Variants in CACNA2D1 observed in about 807,000 individuals in gnomAD.
CACNA2D1 encodes the protein calcium voltage-gated channel auxiliary subunit alpha2delta 1, also known as voltage-dependent calcium channel subunit alpha-2/delta-1.
CACNA2D1 carries 53 observed loss-of-function variants against 171.5 expected under a neutral mutation model. The observed-to-expected ratio is 0.31, with a 90% CI of 0.25 to 0.39. The LOEUF is 0.39. Among genes scored for constraint, CACNA2D1 ranks in the 10% least tolerant of loss-of-function variants. The pLI, the probability that CACNA2D1 is intolerant of heterozygous loss-of-function variation, is 1.00. For synonymous variants in CACNA2D1, 442 were observed against 443.1 expected, an observed-to-expected ratio of 1.00 and a Z score of 0.03; for missense variants, 903 against 1,299.8, an observed-to-expected ratio of 0.69 and a Z score of 4.69.
intron 12 of CACNA2D1, among the ~76,000 whole-genome samples, chr7:82,025,154 T>G (rs1007628669): frequency 6.6e-6 from 1 of 151,724 alleles, no homozygotes; most frequent in Non-Finnish European, 1.5e-5. Flanking sequence ...ATATGTATTT[T>G]AGAATTTTTT....
At chr7:82,352,386 A>G (rs1819948009) in intron 1 of CACNA2D1, among the ~76,000 whole-genome samples, 1 of 152,230 alleles carries the variant, frequency 6.6e-6, no homozygotes, top group Non-Finnish European at 1.5e-5. Flanking sequence ...TAAACTGTCA[A>G]GCACAAATAT....
chr7:81,996,597 C>G (rs2130792661), intron 19 of CACNA2D1, among the ~76,000 whole-genome samples: 1 of 151,468 alleles, frequency 6.6e-6, no homozygotes, highest in Non-Finnish European at 1.5e-5. Flanking sequence ...ATAAAAATAC[C>G]TATTTCCAAG....
intron 1 of CACNA2D1, among the ~76,000 whole-genome samples, chr7:82,383,351 A>T (rs1371365711): frequency 6.6e-6 from 1 of 152,198 alleles, no homozygotes; most frequent in African/African-American, 2.4e-5. Context: ...CTGAACTAAA[A>T]ACTGCTTGCC....
intron 3 of CACNA2D1, among the ~76,000 whole-genome samples, chr7:82,173,259 A>T (rs1780906914): frequency 6.6e-6 from 1 of 152,108 alleles, no homozygotes; most frequent in Admixed American, 6.6e-5. Context: ...GATAGTCCAA[A>T]TCGGCTTTAT....
At chr7:82,042,943 A>G (rs2367841) in intron 10 of CACNA2D1, among the ~76,000 whole-genome samples, 75,970 of 152,010 alleles carry the variant, frequency 0.5, 22,973 homozygotes, top group Non-Finnish European at 0.66. Flanking sequence ...CTATTGGATT[A>G]TTAGCCCACA....
chr7:82,244,545 C>G (rs1804684795), intron 3 of CACNA2D1, among the ~76,000 whole-genome samples: 1 of 151,826 alleles, frequency 6.6e-6, no homozygotes, highest in Non-Finnish European at 1.5e-5. Flanking sequence ...AAGAGGTATG[C>G]TGGAAAACAA....
chr7:82,259,215 G>A (rs1387644614), intron 3 of CACNA2D1, among the ~76,000 whole-genome samples: 1 of 96,860 alleles, frequency 1.0e-5, no homozygotes, highest in Non-Finnish European at 2.0e-5. Context: ...AAAGACAGAT[G>A]AGAGATAAAT....
chr7:82,199,547 T>C (rs374893108), intron 3 of CACNA2D1, among the ~76,000 whole-genome samples: 1 of 152,130 alleles, frequency 6.6e-6, no homozygotes, highest in Non-Finnish European at 1.5e-5. Flanking sequence ...AAGATTCTAA[T>C]TGCTTCTGAA....
chr7:82,379,436 TACAA>T (rs1470089874), intron 1 of CACNA2D1, among the ~76,000 whole-genome samples: 4 of 152,352 alleles, frequency 2.6e-5, no homozygotes, highest in Non-Finnish European at 4.4e-5. Flanking sequence ...TTTTAACAAA[TACAA>T]ACATATTTCT....
chr7:82,085,621 G>C (rs1810372209), intron 6 of CACNA2D1, among the ~76,000 whole-genome samples: 1 of 151,408 alleles, frequency 6.6e-6, no homozygotes, highest in Non-Finnish European at 1.5e-5. Context: ...TTTACTCAGA[G>C]GCTTGACAAT....
chr7:82,157,241 A>T (rs1347448791), intron 4 of CACNA2D1, among the ~76,000 whole-genome samples: 1 of 152,150 alleles, frequency 6.6e-6, no homozygotes, highest in East Asian at 1.9e-4. Flanking sequence ...GAATACTGTG[A>T]AAAGAAACAA....
At chr7:82,018,021 T>G (rs558486173) in intron 12 of CACNA2D1, among the ~76,000 whole-genome samples, 17 of 152,326 alleles carry the variant, frequency 1.1e-4, no homozygotes, top group African/African-American at 4.1e-4. Flanking sequence ...GAGTAAAATG[T>G]TCCTAGAAAA....
intron 4 of CACNA2D1, among the ~76,000 whole-genome samples, chr7:82,161,361 T>C (rs1186223480): frequency 6.6e-6 from 1 of 152,084 alleles, no homozygotes; most frequent in African/African-American, 2.4e-5. Context: ...ATTAGAATTC[T>C]ATAAAACAAT....
At chr7:82,103,535 AC>A (rs1429162015) in intron 6 of CACNA2D1, among the ~76,000 whole-genome samples, 1 of 152,168 alleles carries the variant, frequency 6.6e-6, no homozygotes, top group Non-Finnish European at 1.5e-5. Flanking sequence ...TTACCGAAGT[AC>A]TATAATACTC....
intron 16 of CACNA2D1, among the ~76,000 whole-genome samples, chr7:82,007,313 G>A (rs1040025229): frequency 6.6e-6 from 1 of 152,086 alleles, no homozygotes; most frequent in Non-Finnish European, 1.5e-5. Context: ...TACAAACATC[G>A]CCATGCTTTT....
intron 1 of CACNA2D1, among the ~76,000 whole-genome samples, chr7:82,427,857 C>T (rs1306330148): frequency 6.6e-6 from 1 of 152,114 alleles, no homozygotes; most frequent in Non-Finnish European, 1.5e-5. Flanking sequence ...AAATGAATAT[C>T]TGTCCTCTGT....
chr7:81,985,490 T>C (rs145333553), intron 21 of CACNA2D1, among the ~76,000 whole-genome samples: 4 of 152,250 alleles, frequency 2.6e-5, no homozygotes, highest in East Asian at 1.9e-4. Flanking sequence ...ATCATTACTA[T>C]TGAACAATGC....
chr7:82,145,776 ATAGT>A (rs1011187070), intron 4 of CACNA2D1, among the ~76,000 whole-genome samples: 14 of 150,358 alleles, frequency 9.3e-5, no homozygotes, highest in South Asian at 2.1e-4. Flanking sequence ...ACATAATAAA[ATAGT>A]TAATCTTTGA....
At position 81,950,174 on chromosome 7, in the gene CACNA2D1, C is replaced by T. The variant is rs1792354319; in HGVS notation, c.*218G>A. The T allele has an allele frequency of 1.3e-6, 1 of 741,916 alleles. No homozygotes were observed. The highest frequency in any genetic ancestry group is 2.1e-6 in the Non-Finnish European group (1 of 467,310). The allele number at this position is 741,916 out of a possible 1,614,324, so 46.0% of individuals were successfully genotyped here. A position where few individuals can be genotyped will look rare whatever the true frequency, so the allele number is the denominator to read the frequency against. ...TATAGGATTTTGCTTTGATGTTACA[C>T]ATAGATGATGCAGCATTCACACACG... On this transcript the variant is annotated 3_prime_UTR_variant, in exon 39 of 39. Coordinates refer to ENST00000356860, the MANE Select transcript of CACNA2D1 (RefSeq NM_000722.4).
Sources: allele counts gnomAD v4.1 joint callset (sites outside exome capture counted in the v4.1 genomes callset), GRCh38; gene constraint gnomAD v4.1.1; transcripts MANE v1.5; gene names NCBI Gene and HGNC (gene_info 2026-07-23, HGNC 2026-07-21).